The following XRN2 variants were observed in gnomAD, a reference collection of about 807,000 sequenced individuals.
The protein encoded by XRN2 is 5'-3' exoribonuclease 2.
In XRN2, 44 loss-of-function variants were observed where a neutral mutation model predicts 138.5. That is an observed-to-expected ratio of 0.32 (90% CI 0.25 to 0.41). XRN2 has a LOEUF of 0.41. Among genes scored for constraint, XRN2 ranks in the 10% least tolerant of loss-of-function variants. The pLI is 1.00. For synonymous variants in XRN2, 354 were observed against 369.4 expected (o/e 0.96, Z 0.48); for missense variants, 937 against 1,169.3 (o/e 0.80, Z 2.90).
Position 21,333,852 on chromosome 20 carries a change from G to A in XRN2, c.1067+15G>A, listed in dbSNP as rs2038250001. ...TTAGAGATTAGGTATGTGCATTTGT[G>A]TAGCTTTTCAAACGACTGTTTTAGG... is the stretch of plus-strand genomic sequence containing the variant. On this transcript the variant is annotated intron_variant, in intron 11 of 29. Transcript: ENST00000377191. 2 of 1,614,098 alleles carry A rather than the reference G, an allele frequency of 1.2e-6. No homozygotes were observed. Among genetic ancestry groups the A allele is most frequent in the Middle Eastern group, 1.6e-4 (1 of 6,062 alleles).
intron 1 of XRN2, among the ~76,000 whole-genome samples, chr20:21,312,602 ATT>A (rs375836250): frequency 0.065 from 8,795 of 134,618 alleles, 267 homozygotes; most frequent in African/African-American, 0.15. Context: ...AAACCCCAAG[ATT>A]TTTTTTTTTT....
At chr20:21,314,090 G>A (rs371658773) in intron 1 of XRN2, among the ~76,000 whole-genome samples, 7 of 152,270 alleles carry the variant, frequency 4.6e-5, no homozygotes, top group East Asian at 3.9e-4. Context: ...TCTAACTGCT[G>A]TCTCCTTTTC....
intron 1 of XRN2, among the ~76,000 whole-genome samples, chr20:21,316,579 C>CA (rs1346873358): frequency 2.0e-5 from 3 of 152,124 alleles, no homozygotes; most frequent in Non-Finnish European, 2.9e-5. Flanking sequence ...GACACCTTAT[C>CA]AAAAATCAGC....
Position 21,306,878 on chromosome 20 carries a change from C to T in XRN2, c.75+3405C>T, listed in dbSNP as rs1322888517. Among the ~76,000 whole-genome samples the T allele has an allele frequency of 5.3e-5, 4 of 75,218 alleles. 2 individuals are homozygous for T. The highest frequency in any genetic ancestry group is 1.2e-4 in the Non-Finnish European group (4 of 32,118). 49.3% of individuals were successfully genotyped at this position (75,218 alleles called of 152,430 possible). On this transcript the variant is annotated intron_variant, in intron 1 of 29. Coordinates refer to ENST00000377191, the MANE Select transcript of XRN2 (RefSeq NM_012255.5). ...CAAAAATTAGCTGCGCATGGTGGCG[C>T]GCCTGTAGTCCCAGCTACTTGGGAG...
chr20:21,356,314 C>A, intron 22 of XRN2, 137 bp downstream of exon 22: 1 of 675,132 alleles, frequency 1.5e-6, no homozygotes, highest in Non-Finnish European at 2.4e-6. Context: ...TGTTGTATAA[C>A]CATTAGCACT....
intron 29 of XRN2, among the ~76,000 whole-genome samples, chr20:21,388,593 T>C (rs979876672): frequency 2.0e-5 from 3 of 152,180 alleles, no homozygotes; most frequent in Non-Finnish European, 4.4e-5. Flanking sequence ...TTTAAAGTAC[T>C]GAAGTGCTCT....
In XRN2 at chr20:21,331,691, A is replaced by G. The variant is rs891138364; in HGVS notation, c.649+58A>G. 11 of 1,595,824 alleles carry G rather than the reference A, an allele frequency of 6.9e-6. No homozygotes were observed. The African/African-American group carries it at 1.4e-4, about 20-fold the overall frequency. ...TTCTATTTTTAAAAAGCCATTGCAT[A>G]GAAAATACTTGGTATGAAGTGATAT... On this transcript the variant is annotated intron_variant, in intron 7 of 29. Coordinates refer to ENST00000377191, the MANE Select transcript of XRN2 (RefSeq NM_012255.5).
chr20:21,327,066 G>A (rs397757), intron 3 of XRN2, among the ~76,000 whole-genome samples: 36,007 of 152,030 alleles, frequency 0.24, 4,585 homozygotes, highest in African/African-American at 0.29. Context: ...CAGGGTTTGG[G>A]GAGGGAGGAC....
At chr20:21,380,215 T>C (rs2038868298) in intron 27 of XRN2, among the ~76,000 whole-genome samples, 1 of 152,174 alleles carries the variant, frequency 6.6e-6, no homozygotes, top group Non-Finnish European at 1.5e-5. Flanking sequence ...TCTGTTACAT[T>C]TGCAAATTTT....
chr20:21,350,000 A>T lies in XRN2; in HGVS notation c.1936+539A>T, dbSNP rs954941220. ...ACCTTTTGAGGTTGCTGAGAAATAC[A>T]GAAACACAGTAGTATCCATGTGGAG... On this transcript the variant is annotated intron_variant, in intron 20 of 29. Coordinates refer to ENST00000377191, the MANE Select transcript of XRN2 (RefSeq NM_012255.5). 2.6e-5 allele frequency among the ~76,000 whole-genome samples: 4 copies of T among 152,376 alleles called. No homozygotes were observed. The South Asian group carries it at 8.3e-4, about 32-fold the overall frequency.
chr20:21,332,869 A>G (rs1024058054), intron 9 of XRN2, among the ~76,000 whole-genome samples: 11 of 152,196 alleles, frequency 7.2e-5, no homozygotes, highest in African/African-American at 2.4e-4. Flanking sequence ...TTTGTTTGAA[A>G]TACTCTTCTT....
chr20:21,331,416 CA>C lies in XRN2; in HGVS notation c.577-144del. ...GGTGTTTTTCACACACACACACACACACACACACACACACACACACACCCTT... is the reference window on the plus strand; with the variant it reads ...GGTGTTTTTCACACACACACACACACCACACACACACACACACACACCCTT... On this transcript the variant is annotated intron_variant, in intron 6 of 29. Coordinates refer to ENST00000377191, the MANE Select transcript of XRN2 (RefSeq NM_012255.5). 3 of 658,958 alleles carry C rather than the reference CA, an allele frequency of 4.6e-6. No individual in the cohort carries two copies. The South Asian group carries it at 5.4e-5, about 12-fold the overall frequency. The allele number at this position is 658,958 out of a possible 1,614,324, so 40.8% of individuals were successfully genotyped here. A position where few individuals can be genotyped will look rare whatever the true frequency, so the allele number is the denominator to read the frequency against.
intron 1 of XRN2, among the ~76,000 whole-genome samples, chr20:21,305,553 C>CTTTTTTTTTTTTTTTTTTTTT (rs1180206108): frequency 5.0e-5 from 1 of 19,842 alleles, no homozygotes; most frequent in Non-Finnish European, 1.4e-4. Flanking sequence ...CATACGTGGC[C>CTTTTTTTTTTTTTTTTTTTTT]TTTTTTTTTT....
chr20:21,357,825 G>GA, intron 24 of XRN2, 33 bp downstream of exon 24: 1 of 1,570,308 alleles, frequency 6.4e-7, no homozygotes, highest in Non-Finnish European at 8.7e-7. Context: ...CATTCACCCA[G>GA]AACACAGCTC....
chr20:21,304,546 T>C (rs917338088), intron 1 of XRN2, among the ~76,000 whole-genome samples: 4 of 152,212 alleles, frequency 2.6e-5, no homozygotes, highest in Non-Finnish European at 1.5e-5. Flanking sequence ...CAGTTCTTGC[T>C]CTACCCCTTC....
At chr20:21,331,399 T>C (rs908723869) in intron 6 of XRN2, among the ~76,000 whole-genome samples, 162 bp from the exon 7 acceptor site, 44 of 144,054 alleles carry the variant, frequency 3.1e-4, no homozygotes, top group African/African-American at 1.1e-3. Context: ...TTGGTGTTTT[T>C]CACACACACA....
intron 27 of XRN2, among the ~76,000 whole-genome samples, chr20:21,370,546 G>A (rs1199641981): frequency 2.6e-5 from 4 of 152,150 alleles, no homozygotes; most frequent in Non-Finnish European, 4.4e-5. Flanking sequence ...AAAGACAAAG[G>A]TGTCCCTTTC....
intron 28 of XRN2, among the ~76,000 whole-genome samples, chr20:21,383,857 G>T (rs1425530571): frequency 2.0e-5 from 3 of 152,172 alleles, no homozygotes; most frequent in Non-Finnish European, 2.9e-5. Flanking sequence ...GTTTTAGTCA[G>T]ATACTTAAAA....
At chr20:21,329,589 T>C (rs536934279) in intron 4 of XRN2, among the ~76,000 whole-genome samples, 1 of 152,316 alleles carries the variant, frequency 6.6e-6, no homozygotes, top group Admixed American at 6.5e-5. Context: ...AGCTGCAACT[T>C]GTAATTAAGA....
Sources: gnomAD v4.1 joint callset for allele counts (sites outside exome capture counted in the v4.1 genomes callset) on GRCh38, gnomAD v4.1.1 for gene constraint, MANE v1.5 for transcripts, NCBI Gene and HGNC (gene_info 2026-07-23, HGNC 2026-07-21) for gene names.